The following GALNT9 variants were observed in gnomAD, a reference collection of about 807,000 sequenced individuals.
GALNT9 encodes the protein polypeptide N-acetylgalactosaminyltransferase 9, also known as GalNAc transferase 9.
In GALNT9, 47 loss-of-function variants were observed where a neutral mutation model predicts 63.1. The observed-to-expected ratio is 0.75, with a 90% confidence interval of 0.59 to 0.95. The LOEUF (loss-of-function observed/expected upper bound fraction) is 0.95. GALNT9 is among the 40% of genes least tolerant of loss of function. The probability of loss-of-function intolerance (pLI) is 0.00; values close to 1 mark genes in which losing one functional copy is unlikely to be tolerated. For missense variants in GALNT9, 829 were observed against 874.8 expected (o/e 0.95, Z 0.66); for synonymous variants, 396 against 365.7 (o/e 1.08, Z -0.94).
rs545077187 is a variant in GALNT9 at position 132,286,794 on chromosome 12, G to C, written c.239-364C>G. 6.6e-6 allele frequency among the ~76,000 whole-genome samples: 1 copy of C among 152,230 alleles called. No homozygotes were observed. Among genetic ancestry groups the C allele is most frequent in the Non-Finnish European group, 1.5e-5 (1 of 68,010 alleles). On this transcript the variant is annotated intron_variant, in intron 1 of 10. Coordinates refer to ENST00000328957, the MANE Select transcript of GALNT9 (RefSeq NM_001122636.2). The surrounding 1 kb of genome is among the most constrained non-coding windows in gnomAD (Gnocchi z 7.4). The stretch of plus-strand genomic sequence containing the variant: ...AGTGGCATGATCTCAGCTCACTGCA[G>C]CCTGGACCTCCCAGGCTCAAGCAAT...
chr12:132,226,224 TACACCCCATACACAACATATACAC>T (rs1877681589), intron 6 of GALNT9, among the ~76,000 whole-genome samples: 1 of 90,356 alleles, frequency 1.1e-5, no homozygotes, highest in East Asian at 4.3e-4. Context: ...AACCCACACA[TACACCCCATACACAACATATACAC>T]ACACCCCACA....
chr12:132,199,967 C>T (rs545734598), intron 8 of GALNT9, among the ~76,000 whole-genome samples: 10 of 151,998 alleles, frequency 6.6e-5, no homozygotes, highest in Non-Finnish European at 1.2e-4. Context: ...GAATTGGGAC[C>T]GTTGAGGAAG....
chr12:132,278,081 G>A (rs1332832642), intron 2 of GALNT9: 2 of 149,862 alleles, frequency 1.3e-5, no homozygotes, highest in African/African-American at 4.9e-5. Flanking sequence ...TGGCCCCTGC[G>A]GGCTCTGGGG....
chr12:132,214,635 G>A (rs974381751), intron 6 of GALNT9, among the ~76,000 whole-genome samples: 2 of 152,218 alleles, frequency 1.3e-5, no homozygotes, highest in African/African-American at 2.4e-5. Flanking sequence ...ACCCGGCCTT[G>A]CCCATTCCTG....
intron 2 of GALNT9, among the ~76,000 whole-genome samples, chr12:132,270,950 G>A (rs77795756): frequency 0.012 from 1,879 of 152,110 alleles, 33 homozygotes; most frequent in South Asian, 0.096. Context: ...GAGAGACAGC[G>A]AGGGGGAGAA....
rs1555245976 is a variant in GALNT9, at chr12:132,319,757, G to C, written c.238+9209C>G. ...CAGGTCACCTCAGGTCGCCTCGGGTGCTCCTCCCGCAGCCCCACGTAGACA... is the reference window on the plus strand; with the variant it reads ...CAGGTCACCTCAGGTCGCCTCGGGTCCTCCTCCCGCAGCCCCACGTAGACA... On this transcript the variant is annotated intron_variant, in intron 1 of 10. Coordinates refer to ENST00000328957, the MANE Select transcript of GALNT9 (RefSeq NM_001122636.2). This position sits in a 1 kb window ranked among gnomAD's most constrained non-coding sequence, Gnocchi z 5.2. Among the ~76,000 whole-genome samples the C allele has an allele frequency of 6.6e-6, 1 of 152,194 alleles. No homozygotes were observed. Among genetic ancestry groups the C allele is most frequent in the African/African-American group, 2.4e-5 (1 of 41,432 alleles).
chr12:132,213,933 C>T (rs1877076556), intron 6 of GALNT9, among the ~76,000 whole-genome samples: 1 of 152,226 alleles, frequency 6.6e-6, no homozygotes, highest in African/African-American at 2.4e-5. Flanking sequence ...GCAGGCCCAA[C>T]CCCACCCCCT....
At position 132,245,259 on chromosome 12, in the gene GALNT9, T is replaced by A. The variant is rs1447135619; in HGVS notation, c.1077+2651A>T. Among the ~76,000 whole-genome samples, 1 of 152,008 alleles carries A rather than the reference T, an allele frequency of 6.6e-6. No individual in the cohort carries two copies. Among genetic ancestry groups the A allele is most frequent in the Non-Finnish European group, 1.5e-5 (1 of 67,986 alleles). Reference sequence around the variant, plus strand: ...GAGTTTGAGACTAGCCTGATCAACATGGTGAAACCTCGTCTCTACTAAAAG... The same window carrying A: ...GAGTTTGAGACTAGCCTGATCAACAAGGTGAAACCTCGTCTCTACTAAAAG... On this transcript the variant is annotated intron_variant, in intron 6 of 10. Transcript: ENST00000328957. This position sits in a 1 kb window ranked among gnomAD's most constrained non-coding sequence, Gnocchi z 6.3.
At chr12:132,227,612 CTG>C (rs1233705203) in intron 6 of GALNT9, among the ~76,000 whole-genome samples, 30 of 152,154 alleles carry the variant, frequency 2.0e-4, no homozygotes, top group African/African-American at 7.0e-4. Context: ...GAAAAGAAAA[CTG>C]GTGTTTAAGG....
At chr12:132,240,348 G>A (rs1555236800) in intron 6 of GALNT9, among the ~76,000 whole-genome samples, 2 of 152,162 alleles carry the variant, frequency 1.3e-5, no homozygotes, top group Non-Finnish European at 1.5e-5. Context: ...CAGGGCTGCA[G>A]GGAGACCCCA....
intron 6 of GALNT9, among the ~76,000 whole-genome samples, chr12:132,241,078 C>G (rs1556512636): frequency 4.4e-5 from 6 of 137,398 alleles, no homozygotes; most frequent in East Asian, 4.5e-4. Flanking sequence ...ACACGCCACA[C>G]ACCCTTCCCG....
chr12:132,292,866 C>T (rs886588291), intron 1 of GALNT9, among the ~76,000 whole-genome samples: 17 of 152,186 alleles, frequency 1.1e-4, no homozygotes, highest in Non-Finnish European at 2.4e-4. Context: ...GAGAGCTGTG[C>T]GGAGGACGCC....
At chr12:132,258,006 C>T (rs532724287) in intron 4 of GALNT9, 120 bp from the exon 5 acceptor site, 202 of 700,026 alleles carry the variant, frequency 2.9e-4, no homozygotes, top group African/African-American at 2.9e-3. Flanking sequence ...GCCCTGCCAC[C>T]CCCTGCTGAG....
At chr12:132,277,925 T>C (rs1182673652) in intron 2 of GALNT9, 1 of 152,068 alleles carries the variant, frequency 6.6e-6, no homozygotes, top group African/African-American at 2.4e-5. Flanking sequence ...CTCCTCGTGT[T>C]GTTTATAAGC....
intron 1 of GALNT9, among the ~76,000 whole-genome samples, chr12:132,308,375 C>A (rs1030807250): frequency 1.3e-5 from 2 of 152,236 alleles, no homozygotes; most frequent in Admixed American, 6.5e-5. Context: ...GGAGGCTAAG[C>A]TGGTGCAGCA....
chr12:132,325,435 C>T lies in GALNT9; in HGVS notation c.238+3531G>A, dbSNP rs1025555893. Among the ~76,000 whole-genome samples the T allele has an allele frequency of 3.3e-5, 5 of 152,232 alleles. No individual in the cohort carries two copies. The South Asian group carries it at 6.2e-4, about 19-fold the overall frequency. ...CAGTCATGGGGGGATGCATGAGGCA[C>T]GTGGGAATTCCTGAGGCTGGAGGAA... is the stretch of plus-strand genomic sequence containing the variant. On this transcript the variant is annotated intron_variant, in intron 1 of 10. Coordinates refer to ENST00000328957, the MANE Select transcript of GALNT9 (RefSeq NM_001122636.2).
rs1555239252 is a variant in GALNT9, at chr12:132,257,746, A to G, written c.902T>C (p.Met301Thr). 2.6e-6 allele frequency: 4 copies of G among 1,550,444 alleles called. No individual in the cohort carries two copies. Among genetic ancestry groups the G allele is most frequent in the East Asian group, 2.4e-5 (1 of 40,898 alleles). ...AHGYNWGLWCMYIIPPQDWLD... is the reference protein window; with the variant it reads ...AHGYNWGLWCTYIIPPQDWLD... ...CCAGTCCTGCGGGGGGATGATGTAC[A>G]TGCACCAGAGGCCCCAGTTGTAGCC... Residue 301 changes from methionine (M) to threonine (T), a missense_variant, in exon 5 of 11, where the codon ATG becomes ACG. Met to Thr is a moderately conservative substitution (Grantham distance 81, BLOSUM62 -1). Coordinates refer to ENST00000328957, the MANE Select transcript of GALNT9 (RefSeq NM_001122636.2).
intron 1 of GALNT9, among the ~76,000 whole-genome samples, chr12:132,292,675 C>T (rs1880906456): frequency 6.6e-6 from 1 of 152,208 alleles, no homozygotes; most frequent in Non-Finnish European, 1.5e-5. Context: ...GGCTCCACTG[C>T]CTCCTGGGCC....
At chr12:132,328,718 G>C (rs572887146) in intron 1 of GALNT9, among the ~76,000 whole-genome samples, 92 of 152,352 alleles carry the variant, frequency 6.0e-4, no homozygotes, top group Non-Finnish European at 1.1e-3. Context: ...GCAAGTTTGC[G>C]TCATTGTGGG....
Sources: gnomAD v4.1 joint callset for allele counts (sites outside exome capture counted in the v4.1 genomes callset) on GRCh38, gnomAD v4.1.1 for gene constraint, Gnocchi (gnomAD v3.1) non-coding constraint, MANE v1.5 for transcripts, NCBI Gene and HGNC (gene_info 2026-07-23, HGNC 2026-07-21) for gene names.